Variants in ATG2B observed in about 807,000 individuals in gnomAD.
The protein encoded by ATG2B is autophagy-related protein 2 homolog B.
A neutral mutation model predicts 241.3 loss-of-function variants in ATG2B; 121 were observed. That is an observed-to-expected ratio of 0.50 (90% CI 0.43 to 0.58). The LOEUF (loss-of-function observed/expected upper bound fraction) is 0.58, where lower values mean the gene tolerates loss of function less well. ATG2B is among the 20% of genes least tolerant of loss of function. The pLI, the probability that ATG2B is intolerant of heterozygous loss-of-function variation, is 0.00. For missense variants in ATG2B, 2,306 were observed against 2,491.6 expected (o/e 0.93, Z 1.59); for synonymous variants, 858 against 876.6 (o/e 0.98, Z 0.37).
chr14:96,286,091 T>A, intron 41 of ATG2B, 106 bp from the exon 42 acceptor site: 1 of 803,610 alleles, frequency 1.2e-6, no homozygotes, highest in African/African-American at 1.7e-5. Flanking sequence ...GGTAACATTA[T>A]GTTTGTAACC....
Position 96,343,193 on chromosome 14 carries a change from A to C in ATG2B, c.670T>G (p.Ser224Ala). 1.2e-6 allele frequency: 2 copies of C among 1,609,756 alleles called. No individual in the cohort carries two copies. Among genetic ancestry groups the C allele is most frequent in the Non-Finnish European group, 1.7e-6 (2 of 1,177,308 alleles). ...TAFAHKLLQLSGVSLFWDEFS... is the reference protein window; with the variant it reads ...TAFAHKLLQLAGVSLFWDEFS... ...TCATCCCAGAAGAGAGACACTCCAG[A>C]GAGCTGAAGTAACTTGTGAGCAAAA... Residue 224 changes from serine (S) to alanine (A), a missense_variant, in exon 5 of 42, where the codon TCT becomes GCT. This residue lies in a region of ATG2B where 1,927 missense variants were observed against 2,011.2 expected (regional missense o/e 0.96). Coordinates refer to ENST00000359933, the MANE Select transcript of ATG2B (RefSeq NM_018036.7).
chr14:96,322,630 T>A lies in ATG2B; in HGVS notation c.2646A>T (p.Gly882=), dbSNP rs1469465100. 6.2e-7 allele frequency: 1 copy of A among 1,613,704 alleles called. No individual in the cohort carries two copies. The highest frequency in any genetic ancestry group is 1.3e-5 in the African/African-American group (1 of 74,916). Residue 882 remains glycine (G), a synonymous_variant, in exon 17 of 42, where the codon GGA becomes GGT. Transcript: ENST00000359933. ...AAACATCTTTCAAGGAATGAGCACC[T>A]CCTTCCTCTTCCTCCTGGTAGTGAC... ...NDGHYQEEEE[G]GAHSLKDVCD...
chr14:96,360,105 A>T (rs1274389506), intron 1 of ATG2B, among the ~76,000 whole-genome samples: 1 of 152,238 alleles, frequency 6.6e-6, no homozygotes, highest in African/African-American at 2.4e-5. Context: ...TTGTAAAGAG[A>T]AAGTGAATGG....
chr14:96,290,134 C>A lies in ATG2B; in HGVS notation c.5856+302G>T. 1.6e-6 allele frequency: 2 copies of A among 1,244,640 alleles called. No homozygotes were observed. Among genetic ancestry groups the A allele is most frequent in the Non-Finnish European group, 2.0e-6 (2 of 988,082 alleles). The allele number at this position is 1,244,640 out of a possible 1,614,324, so 77.1% of individuals were successfully genotyped here. A position where few individuals can be genotyped will look rare whatever the true frequency, so the allele number is the denominator to read the frequency against. On this transcript the variant is annotated intron_variant, in intron 40 of 41. Coordinates refer to ENST00000359933, the MANE Select transcript of ATG2B (RefSeq NM_018036.7). This position sits in a 1 kb window ranked among gnomAD's most constrained non-coding sequence, Gnocchi z 4.4. ...TAATACTTCTGTTTAATCTACAACG[C>A]CTTCTTCAAATTTAGCTACGATCCT...
At chr14:96,319,338 A>G (rs1887398902) in intron 18 of ATG2B, among the ~76,000 whole-genome samples, 1 of 152,268 alleles carries the variant, frequency 6.6e-6, no homozygotes, top group African/African-American at 2.4e-5. Context: ...CTTAAGATAC[A>G]TAAGGACATA....
chr14:96,300,312 G>A (rs1397934829), intron 34 of ATG2B, among the ~76,000 whole-genome samples: 2 of 152,152 alleles, frequency 1.3e-5, no homozygotes, highest in African/African-American at 4.8e-5. Context: ...TTGAGCCCAG[G>A]AGTTCAAGAC....
rs1372322706 is a variant in ATG2B at position 96,331,390 on chromosome 14, T to A, written c.1716A>T (p.Ser572=). Residue 572 remains serine, a synonymous_variant, in exon 11 of 42, where the codon TCA becomes TCT. Coordinates refer to ENST00000359933, the MANE Select transcript of ATG2B (RefSeq NM_018036.7). ...TGAGAGTTTACCTAAGGTGATCGTG[T>A]GAGCAAGCTTCTGCAAACACTGCTC... ...SFRAVFAEAC[S]HDHLRFIGTG... The A allele has an allele frequency of 1.9e-6, 3 of 1,613,130 alleles. No homozygotes were observed. Among genetic ancestry groups the A allele is most frequent in the Non-Finnish European group, 2.5e-6 (3 of 1,179,616 alleles).
rs376752256 is a variant in ATG2B, at chr14:96,362,830, G to C, written c.147C>G (p.Val49=). ...LYQGTGSLAQ[V]PLDKWCLNEI... ...CAGCTCTTACCCATTTGTCCAAGGGGACCTGGGCGAGGGACCCGGTGCCTT... is the reference window on the plus strand; with the variant it reads ...CAGCTCTTACCCATTTGTCCAAGGGCACCTGGGCGAGGGACCCGGTGCCTT... The change falls in exon 1 of 42, where the codon GTC becomes GTG. Residue 49 remains valine, a synonymous_variant. Coordinates refer to ENST00000359933, the MANE Select transcript of ATG2B (RefSeq NM_018036.7). The C allele has an allele frequency of 6.2e-7, 1 of 1,609,684 alleles. No individual in the cohort carries two copies. Among genetic ancestry groups the C allele is most frequent in the Non-Finnish European group, 8.5e-7 (1 of 1,177,582 alleles).
Position 96,285,674 on chromosome 14 carries a change from C to A in ATG2B, c.*81G>T. On this transcript the variant is annotated 3_prime_UTR_variant, in exon 42 of 42. Transcript: ENST00000359933. This position sits in a 1 kb window ranked among gnomAD's most constrained non-coding sequence, Gnocchi z 4.2. Reference sequence around the variant, plus strand: ...CTGAGATGAGCACAATAAAATTAAACGAGCTTCCTCTGAAGCTGCTGTCAG... The same window carrying A: ...CTGAGATGAGCACAATAAAATTAAAAGAGCTTCCTCTGAAGCTGCTGTCAG... 1.5e-6 allele frequency: 2 copies of A among 1,303,496 alleles called. No individual in the cohort carries two copies. The highest frequency in any genetic ancestry group is 1.9e-5 in the Admixed American group (1 of 52,306). 80.7% of individuals were successfully genotyped at this position (1,303,496 alleles called of 1,614,324 possible). A position where few individuals can be genotyped will look rare whatever the true frequency, so the allele number is the denominator to read the frequency against.
chr14:96,301,703 T>C (rs548360506), intron 34 of ATG2B, among the ~76,000 whole-genome samples: 5 of 152,260 alleles, frequency 3.3e-5, no homozygotes, highest in African/African-American at 1.2e-4. Context: ...CCTCTAATAC[T>C]CTCTGAAAAT....
chr14:96,362,807 G>A lies in ATG2B; in HGVS notation c.162+8C>T, dbSNP rs1191209328. ...AGCCCCGCCCGGCTCGCCGCCGGCA[G>A]CTCTTACCCATTTGTCCAAGGGGAC... On this transcript the variant is annotated splice_region_variant and intron_variant, in intron 1 of 41. Coordinates refer to ENST00000359933, the MANE Select transcript of ATG2B (RefSeq NM_018036.7). The A allele has an allele frequency of 3.1e-6, 5 of 1,596,956 alleles. No homozygotes were observed. In the East Asian group the frequency reaches 9.0e-5, roughly 29 times the overall value.
intron 6 of ATG2B, among the ~76,000 whole-genome samples, chr14:96,339,488 A>G (rs1290227230): frequency 2.0e-5 from 3 of 152,020 alleles, no homozygotes; most frequent in Non-Finnish European, 4.4e-5. Context: ...ATATATATAC[A>G]CCATATACAA....
intron 34 of ATG2B, among the ~76,000 whole-genome samples, chr14:96,296,231 C>T (rs536222912): frequency 4.6e-5 from 7 of 152,268 alleles, no homozygotes; most frequent in African/African-American, 9.6e-5. Flanking sequence ...TGCCTTAATA[C>T]ATTTCATCAT....
Position 96,282,992 on chromosome 14 carries a change from G to C in ATG2B, c.*2763C>G, listed in dbSNP as rs1441678130. The C allele has an allele frequency of 2.0e-5, 3 of 152,212 alleles. No individual in the cohort carries two copies. The highest frequency in any genetic ancestry group is 4.4e-5 in the Non-Finnish European group (3 of 68,050). 9.4% of individuals were successfully genotyped at this position (152,212 alleles called of 1,614,324 possible). A position where few individuals can be genotyped will look rare whatever the true frequency, so the allele number is the denominator to read the frequency against. ...AATCGTACCCAAACTTCATGAAAGT[G>C]AAAGTCTATTGCTATGACATCTAGA... is the stretch of plus-strand genomic sequence containing the variant. On this transcript the variant is annotated 3_prime_UTR_variant, in exon 42 of 42. Coordinates refer to ENST00000359933, the MANE Select transcript of ATG2B (RefSeq NM_018036.7).
chr14:96,317,546 A>G (rs1045435535), intron 19 of ATG2B, 152 bp downstream of exon 19: 1 of 703,008 alleles, frequency 1.4e-6, no homozygotes, highest in African/African-American at 1.8e-5. Flanking sequence ...TACAGATAGA[A>G]ATAAGGAAAT....
chr14:96,316,214 G>C (rs1368779715), intron 21 of ATG2B, among the ~76,000 whole-genome samples: 1 of 152,198 alleles, frequency 6.6e-6, no homozygotes, highest in African/African-American at 2.4e-5. Flanking sequence ...TAAAGTGTAT[G>C]AAATTTCTTC....
chr14:96,325,768 T>C lies in ATG2B; in HGVS notation c.2318A>G (p.Lys773Arg), dbSNP rs764106767. The C allele has an allele frequency of 6.2e-7, 1 of 1,614,010 alleles. No individual in the cohort carries two copies. The highest frequency in any genetic ancestry group is 8.5e-7 in the Non-Finnish European group (1 of 1,179,962). Residue 773 changes from lysine (K) to arginine (R), a missense_variant, in exon 15 of 42, where the codon AAG becomes AGG. Lys to Arg is a conservative substitution (Grantham distance 26). Around this residue, in one of 2 missense-constraint regions of ATG2B, gnomAD observed 1,927 missense variants for 2,011.2 expected, o/e 0.96. Transcript: ENST00000359933. ...ATAAAGGATCTCCTTCTGAAGTGACTTCTTAAACCATGGTCCTCTTTCTTG... is the reference window on the plus strand; with the variant it reads ...ATAAAGGATCTCCTTCTGAAGTGACCTCTTAAACCATGGTCCTCTTTCTTG... ...SDQERGPWFK[K>R]SLQKEILYLA...
At chr14:96,357,534 A>C (rs1446951474) in intron 1 of ATG2B, among the ~76,000 whole-genome samples, 2 of 152,106 alleles carry the variant, frequency 1.3e-5, no homozygotes, top group Non-Finnish European at 2.9e-5. Context: ...TTCTCTGTCC[A>C]ATCTCAATCT....
rs1886284530 is a variant in ATG2B at position 96,284,521 on chromosome 14, T to G, written c.*1234A>C. The G allele has an allele frequency of 6.6e-6, 1 of 152,146 alleles. No individual in the cohort carries two copies. Among genetic ancestry groups the G allele is most frequent in the Non-Finnish European group, 1.5e-5 (1 of 68,024 alleles). 9.4% of individuals were successfully genotyped at this position (152,146 alleles called of 1,614,324 possible). A position where few individuals can be genotyped will look rare whatever the true frequency, so the allele number is the denominator to read the frequency against. On this transcript the variant is annotated 3_prime_UTR_variant, in exon 42 of 42. Transcript: ENST00000359933. ...AAACAGGAAGTCAGGTCATGCAACTTTCAACAGTGGATATATACAAAGTTC... is the reference window on the plus strand; with the variant it reads ...AAACAGGAAGTCAGGTCATGCAACTGTCAACAGTGGATATATACAAAGTTC...
Sources: gnomAD v4.1 joint callset for allele counts (sites outside exome capture counted in the v4.1 genomes callset) on GRCh38, gnomAD v4.1.1 for gene constraint, gnomAD v4.1.1 regional missense constraint, Gnocchi (gnomAD v3.1) non-coding constraint, MANE v1.5 for transcripts, NCBI Gene and HGNC (gene_info 2026-07-23, HGNC 2026-07-21) for gene names.